OLFM2: variants seen among roughly 807,000 people sequenced by gnomAD.
The protein encoded by OLFM2 is olfactomedin 2.
A neutral mutation model predicts 43.9 loss-of-function variants in OLFM2; 20 were observed. The ratio of observed to expected loss-of-function variants is 0.46; its 90% CI spans 0.32 to 0.66. The LOEUF (loss-of-function observed/expected upper bound fraction) is 0.66. OLFM2 is among the 30% of genes least tolerant of loss of function. OLFM2 has a pLI of 0.04. For missense variants in OLFM2, 416 were observed against 643.6 expected (o/e 0.65, Z 3.83); for synonymous variants, 268 against 278.6 (o/e 0.96, Z 0.38).
chr19:9,889,851 T>C (rs1383892355), intron 1 of OLFM2, among the ~76,000 whole-genome samples: 1 of 151,882 alleles, frequency 6.6e-6, no homozygotes, highest in African/African-American at 2.4e-5. Flanking sequence ...AGCAATGTTG[T>C]GGGTGAGGGA....
At chr19:9,861,347 C>G (rs1345861789) in intron 1 of OLFM2, among the ~76,000 whole-genome samples, 1 of 151,890 alleles carries the variant, frequency 6.6e-6, no homozygotes, top group Non-Finnish European at 1.5e-5. Flanking sequence ...CCACTCCAGC[C>G]TGGGTAACAG....
intron 1 of OLFM2, among the ~76,000 whole-genome samples, chr19:9,914,170 G>C (rs1196196904): frequency 6.6e-6 from 1 of 151,726 alleles, no homozygotes. Flanking sequence ...GACCCCGCGC[G>C]TAAAGGCGCC....
At chr19:9,876,523 C>A (rs1181141530) in intron 1 of OLFM2, among the ~76,000 whole-genome samples, 1 of 152,176 alleles carries the variant, frequency 6.6e-6, no homozygotes, top group African/African-American at 2.4e-5. Context: ...GGTCCCCATG[C>A]GCCCCTGCGG....
At chr19:9,876,237 G>A (rs1264977026) in intron 1 of OLFM2, among the ~76,000 whole-genome samples, 6 of 152,188 alleles carry the variant, frequency 3.9e-5, no homozygotes, top group African/African-American at 1.2e-4. Flanking sequence ...CGCTTTGGCC[G>A]GGGATGGATT....
intron 1 of OLFM2, among the ~76,000 whole-genome samples, chr19:9,922,778 C>G (rs1486727559): frequency 6.6e-6 from 1 of 151,368 alleles, no homozygotes; most frequent in Non-Finnish European, 1.5e-5. Context: ...AGGAGTGGTG[C>G]TGCATGCCTG....
intron 1 of OLFM2, among the ~76,000 whole-genome samples, chr19:9,884,179 G>C (rs1366100617): frequency 2.6e-5 from 4 of 151,656 alleles, no homozygotes; most frequent in African/African-American, 9.7e-5. Flanking sequence ...TGAAAGAGGA[G>C]GATCACCTGA....
chr19:9,886,186 C>T (rs763441504), intron 1 of OLFM2, among the ~76,000 whole-genome samples: 9 of 151,688 alleles, frequency 5.9e-5, no homozygotes, highest in Non-Finnish European at 1.2e-4. Flanking sequence ...GATGAACATT[C>T]AACCTAAGAG....
rs1164340992 is a variant in OLFM2, at chr19:9,857,105, C to G, written c.580+158G>C. The G allele has an allele frequency of 1.5e-5, 13 of 845,250 alleles. No individual in the cohort carries two copies. In the East Asian group the frequency reaches 2.9e-4, roughly 19 times the overall value. 52.4% of individuals were successfully genotyped at this position (845,250 alleles called of 1,614,324 possible). A position where few individuals can be genotyped will look rare whatever the true frequency, so the allele number is the denominator to read the frequency against. On this transcript the variant is annotated intron_variant, in intron 4 of 5. Transcript: ENST00000264833. This position sits in a 1 kb window ranked among gnomAD's most constrained non-coding sequence, Gnocchi z 5.7. ...GGCCAAGGGTCAGGGCCATTTCCAG[C>G]TTCTGGACTCAAGTGTAGCCTTAGG... is the stretch of plus-strand genomic sequence containing the variant.
chr19:9,905,792 GAA>G (rs903482951), intron 1 of OLFM2, among the ~76,000 whole-genome samples: 1 of 152,140 alleles, frequency 6.6e-6, no homozygotes, highest in Non-Finnish European at 1.5e-5. Flanking sequence ...CCCTTGAGAA[GAA>G]AAGCTTTACC....
intron 1 of OLFM2, among the ~76,000 whole-genome samples, chr19:9,864,787 CT>C (rs34810133): frequency 1.5e-3 from 148 of 97,586 alleles, no homozygotes; most frequent in Admixed American, 3.6e-3. Flanking sequence ...ACACACCCAG[CT>C]TTTTTTTTTT....
chr19:9,930,690 C>CAA lies in OLFM2; in HGVS notation c.63+5612_63+5613dup, dbSNP rs35821657. 3.9e-3 allele frequency among the ~76,000 whole-genome samples: 559 copies of CAA among 143,712 alleles called. 4 individuals are homozygous for CAA. Among genetic ancestry groups the CAA allele is most frequent in the African/African-American group, 0.01 (412 of 39,452 alleles). 94.3% of individuals were successfully genotyped at this position (143,712 alleles called of 152,430 possible). A position where few individuals can be genotyped will look rare whatever the true frequency, so the allele number is the denominator to read the frequency against. ...TGAAACCCTGTCTCTATTAAAAATA[C>CAA]AAAAAAAAAAAAATTTAGCCGGCTG... On this transcript the variant is annotated intron_variant, in intron 1 of 5. Coordinates refer to ENST00000264833, the MANE Select transcript of OLFM2 (RefSeq NM_058164.4).
intron 1 of OLFM2, among the ~76,000 whole-genome samples, chr19:9,901,587 T>A (rs972950631): frequency 2.0e-5 from 3 of 152,192 alleles, no homozygotes; most frequent in Admixed American, 2.0e-4. Context: ...CTGTACTCCT[T>A]TGAAAAGAGC....
chr19:9,919,978 T>C (rs1223663406), intron 1 of OLFM2, among the ~76,000 whole-genome samples: 1 of 150,112 alleles, frequency 6.7e-6, no homozygotes, highest in African/African-American at 2.5e-5. Flanking sequence ...TATTTTTTTT[T>C]TTTTTTAGTA....
At position 9,860,832 on chromosome 19, in the gene OLFM2, G is replaced by A; in HGVS notation, c.64-38C>T. 3.8e-6 allele frequency: 6 copies of A among 1,580,384 alleles called. No homozygotes were observed. In the Admixed American group the frequency reaches 7.0e-5, roughly 19 times the overall value. ...GGGGGTCAGAGACCGGAATCCCAGT[G>A]AGGGTCTCGCCTCGCCCTCACTGGG... is the stretch of plus-strand genomic sequence containing the variant. On this transcript the variant is annotated intron_variant, in intron 1 of 5. Coordinates refer to ENST00000264833, the MANE Select transcript of OLFM2 (RefSeq NM_058164.4).
Position 9,854,730 on chromosome 19 carries a change from T to C in OLFM2, c.821A>G (p.Tyr274Cys). ...CTTGTTATAGAACAGGGAGCCGTTG[T>C]ACACCACGTGGCCCGTGCCCGCCCA... Reference protein sequence around the residue: ...QPWAGTGHVVYNGSLFYNKYQ... With the variant: ...QPWAGTGHVVCNGSLFYNKYQ... The change falls in exon 6 of 6, where the codon TAC becomes TGC. Residue 274 changes from tyrosine to cysteine, a missense_variant. Physicochemically the swap from Tyr to Cys is radical, Grantham distance 194. Transcript: ENST00000264833. This position sits in a 1 kb window ranked among gnomAD's most constrained non-coding sequence, Gnocchi z 9.5. The C allele has an allele frequency of 1.2e-6, 2 of 1,614,176 alleles. No individual in the cohort carries two copies. Among genetic ancestry groups the C allele is most frequent in the African/African-American group, 2.7e-5 (2 of 75,060 alleles).
intron 1 of OLFM2, among the ~76,000 whole-genome samples, chr19:9,930,590 A>G (rs997996834): frequency 1.3e-5 from 2 of 151,976 alleles, no homozygotes; most frequent in Non-Finnish European, 2.9e-5. Flanking sequence ...CACGCCTGTA[A>G]TCCCAGCACT....
At chr19:9,918,336 G>A (rs1257644305) in intron 1 of OLFM2, among the ~76,000 whole-genome samples, 1 of 151,930 alleles carries the variant, frequency 6.6e-6, no homozygotes, top group Non-Finnish European at 1.5e-5. Flanking sequence ...GACTACAGAG[G>A]CACACCACCG....
At chr19:9,913,166 C>G (rs886984938) in intron 1 of OLFM2, among the ~76,000 whole-genome samples, 1 of 152,190 alleles carries the variant, frequency 6.6e-6, no homozygotes, top group Non-Finnish European at 1.5e-5. Context: ...TTGTCGCCTC[C>G]GCCCTGGGGC....
At chr19:9,883,940 T>C (rs1202582181) in intron 1 of OLFM2, among the ~76,000 whole-genome samples, 1 of 151,716 alleles carries the variant, frequency 6.6e-6, no homozygotes, top group Non-Finnish European at 1.5e-5. Context: ...GTCACGGAGG[T>C]TGAACGAATG....
Sources: gnomAD v4.1 joint callset for allele counts (sites outside exome capture counted in the v4.1 genomes callset) on GRCh38, gnomAD v4.1.1 for gene constraint, Gnocchi (gnomAD v3.1) non-coding constraint, MANE v1.5 for transcripts, NCBI Gene and HGNC (gene_info 2026-07-23, HGNC 2026-07-21) for gene names.